LRRC53: variants seen among roughly 807,000 people sequenced by gnomAD.
The protein encoded by LRRC53 is leucine rich repeat containing 53.
Under a neutral mutation model 13.6 loss-of-function variants are expected in LRRC53, and 25 were observed. The ratio of observed to expected loss-of-function variants is 1.83; its 90% CI spans 1.34 to 2.56. The LOEUF is 2.56. Among genes scored for constraint, LRRC53 ranks in the 30% most tolerant of loss-of-function variants. The pLI is 0.00. For missense variants in LRRC53, 527 were observed against 275.8 expected (o/e 1.91, Z -6.45); for synonymous variants, 204 against 109.8 (o/e 1.86, Z -5.37).
chr1:74,475,116 CCACACACACACACACA>C (rs3058791), intron 4 of LRRC53, among the ~76,000 whole-genome samples, 163 bp downstream of exon 4: 11 of 135,994 alleles, frequency 8.1e-5, no homozygotes, highest in East Asian at 2.3e-4. Context: ...CCACCTCAGC[CCACACACACACACACA>C]CACACACACA....
rs1161282808 is a variant in LRRC53, at chr1:74,475,562, G to A, written c.1153C>T (p.Gln385Ter). ...EMPLLQENSH[Q>*]ATSASESATL... ...GCAGACTCAGAGGCCGATGTTGCTT[G>A]ATGGCTATTTTCCTGTAAAAGTGGC... Residue 385 changes from glutamine (Q) to a stop codon, truncating the protein, a stop_gained, in exon 4 of 5, where the codon CAA (glutamine) becomes TAA (stop). Coordinates refer to ENST00000294635, the MANE Select transcript of LRRC53 (RefSeq NM_001382280.1). LOFTEE classifies it high-confidence loss of function. 1 of 717,310 alleles carries A rather than the reference G, an allele frequency of 1.4e-6. No individual in the cohort carries two copies. Among genetic ancestry groups the A allele is most frequent in the Non-Finnish European group, 2.6e-6 (1 of 384,982 alleles). 44.4% of individuals were successfully genotyped at this position (717,310 alleles called of 1,614,324 possible).
At chr1:74,495,698 A>T (rs1463539462) in intron 1 of LRRC53, among the ~76,000 whole-genome samples, 1 of 152,164 alleles carries the variant, frequency 6.6e-6, no homozygotes, top group Non-Finnish European at 1.5e-5. Context: ...ATGGAGAGTA[A>T]GTAAGCAAAG....
chr1:74,471,222 T>A lies in LRRC53; in HGVS notation c.2400A>T (p.Gln800His), dbSNP rs1667918809. ...GCAGGGGGGCACGTTTAGTGTTTCG[T>A]TGATAATATGGGGTCTGCTTTGAGT... ...KHDSKQTPYY[Q>H]RNTKRAPLLS... The change falls in exon 5 of 5, where the codon CAA (glutamine) becomes CAT (histidine). Residue 800 changes from glutamine (Q) to histidine (H), a missense_variant. By Grantham distance (24) the Gln-to-His change is conservative. Coordinates refer to ENST00000294635, the MANE Select transcript of LRRC53 (RefSeq NM_001382280.1). 2.5e-6 allele frequency: 1 copy of A among 400,718 alleles called. No individual in the cohort carries two copies. The highest frequency in any genetic ancestry group is 4.4e-6 in the Non-Finnish European group (1 of 226,192). 24.8% of individuals were successfully genotyped at this position (400,718 alleles called of 1,614,324 possible).
chr1:74,495,221 A>C lies in LRRC53; in HGVS notation c.-26-11846T>G, dbSNP rs1050594094. Among the ~76,000 whole-genome samples, 3 of 152,202 alleles carry C rather than the reference A, an allele frequency of 2.0e-5. No homozygotes were observed. The South Asian group carries it at 6.2e-4, about 31-fold the overall frequency. The stretch of plus-strand genomic sequence containing the variant: ...GGCATTTCCCTGAGGATTTGCTGTG[A>C]GCGTGCATTCAAGGTCAGTTTGTTA... On this transcript the variant is annotated intron_variant, in intron 1 of 4. Coordinates refer to ENST00000294635, the MANE Select transcript of LRRC53 (RefSeq NM_001382280.1).
chr1:74,480,203 G>T lies in LRRC53; in HGVS notation c.854C>A (p.Pro285His). The T allele has an allele frequency of 1.4e-6, 1 of 717,482 alleles. No individual in the cohort carries two copies. Among genetic ancestry groups the T allele is most frequent in the South Asian group, 1.5e-5 (1 of 67,600 alleles). 44.4% of individuals were successfully genotyped at this position (717,482 alleles called of 1,614,324 possible). A position where few individuals can be genotyped will look rare whatever the true frequency, so the allele number is the denominator to read the frequency against. Reference protein sequence around the residue: ...NFTLVLKDRSPLLPGPDVALL... With the variant: ...NFTLVLKDRSHLLPGPDVALL... The stretch of plus-strand genomic sequence containing the variant: ...GGCCACATCTGGTCCTGGGAGGAGG[G>T]GACTTCTGTCCTTTAGAACCAGAGT... Residue 285 changes from proline to histidine, a missense_variant, in exon 3 of 5, where the codon CCC becomes CAC. Pro to His is a moderately conservative substitution (Grantham distance 77). Coordinates refer to ENST00000294635, the MANE Select transcript of LRRC53 (RefSeq NM_001382280.1).
At position 74,492,339 on chromosome 1, in the gene LRRC53, G is replaced by C; in HGVS notation, c.-26-8964C>G. ...TCTTATCAAGACAGTCAACTGATTT[G>C]ATTACTATTAACAGGGTTTGATTAC... On this transcript the variant is annotated intron_variant, in intron 1 of 4. Coordinates refer to ENST00000294635, the MANE Select transcript of LRRC53 (RefSeq NM_001382280.1). 4.3e-6 allele frequency: 6 copies of C among 1,382,106 alleles called. No homozygotes were observed. The Admixed American group carries it at 1.2e-4, about 27-fold the overall frequency. The allele number at this position is 1,382,106 out of a possible 1,614,324, so 85.6% of individuals were successfully genotyped here.
At chr1:74,531,857 T>A in the LRRC53 span, among the ~76,000 whole-genome samples, 2 of 152,178 alleles carry the variant, frequency 1.3e-5, no homozygotes, top group Admixed American at 1.3e-4. Context: ...ATAGGTAACA[T>A]TGTTATGACA....
intron 1 of LRRC53, among the ~76,000 whole-genome samples, chr1:74,507,811 G>A (rs1336826577): frequency 6.6e-6 from 1 of 152,150 alleles, no homozygotes; most frequent in Non-Finnish European, 1.5e-5. Flanking sequence ...TGAGACTTAG[G>A]AACTTAAGTA....
intron 1 of LRRC53, among the ~76,000 whole-genome samples, chr1:74,499,926 A>G (rs1387787327): frequency 6.6e-6 from 1 of 152,044 alleles, no homozygotes; most frequent in African/African-American, 2.4e-5. Flanking sequence ...CTAATTGCAA[A>G]CATATTATTT....
At chr1:74,472,894 T>C (rs1045174756) in intron 4 of LRRC53, among the ~76,000 whole-genome samples, 1 of 152,092 alleles carries the variant, frequency 6.6e-6, no homozygotes, top group Admixed American at 6.6e-5. Flanking sequence ...TTTAAATGTC[T>C]GCCTGCAAAT....
At position 74,480,759 on chromosome 1, in the gene LRRC53, C is replaced by G; in HGVS notation, c.298G>C (p.Asp100His). ...CTGTGAAGCTTGCTGAAGGTGTGAT[C>G]AGTGAGCGAAGAGCTGGATATTTGG... ...HNQISSSSLT[D>H]HTFSKLHSLQ... The change falls in exon 3 of 5, where the codon GAT becomes CAT. Residue 100 changes from aspartate (D) to histidine (H), a missense_variant. By Grantham distance (81) the Asp-to-His change is moderately conservative. Transcript: ENST00000294635. 1.4e-6 allele frequency: 1 copy of G among 717,444 alleles called. No individual in the cohort carries two copies. Among genetic ancestry groups the G allele is most frequent in the Admixed American group, 2.0e-5 (1 of 50,014 alleles). The allele number at this position is 717,444 out of a possible 1,614,324, so 44.4% of individuals were successfully genotyped here. A position where few individuals can be genotyped will look rare whatever the true frequency, so the allele number is the denominator to read the frequency against.
chr1:74,532,968 T>G, the LRRC53 span, among the ~76,000 whole-genome samples: 3 of 152,068 alleles, frequency 2.0e-5, no homozygotes, highest in Non-Finnish European at 2.9e-5. Flanking sequence ...AGCCCTAGAA[T>G]AAAACCTAGG....
At chr1:74,491,378 C>T (rs1263986537) in intron 1 of LRRC53, among the ~76,000 whole-genome samples, 1 of 152,168 alleles carries the variant, frequency 6.6e-6, no homozygotes, top group Non-Finnish European at 1.5e-5. Context: ...TGCCACCACT[C>T]CCAGCTAATT....
At chr1:74,510,157 CCT>C (rs145430580) in intron 1 of LRRC53, among the ~76,000 whole-genome samples, 11,771 of 152,082 alleles carry the variant, frequency 0.077, 1,059 homozygotes, top group African/African-American at 0.22. Context: ...TTTCTTACCC[CCT>C]GATTTTTACT....
chr1:74,476,993 C>A (rs949001885), intron 3 of LRRC53, among the ~76,000 whole-genome samples: 1 of 151,996 alleles, frequency 6.6e-6, no homozygotes, highest in African/African-American at 2.4e-5. Flanking sequence ...TATTTTAATT[C>A]ATTTGCCAAC....
At chr1:74,485,484 T>C (rs947679349) in intron 1 of LRRC53, among the ~76,000 whole-genome samples, 9 of 152,158 alleles carry the variant, frequency 5.9e-5, no homozygotes, top group Non-Finnish European at 2.9e-5. Context: ...TACTGCGTAT[T>C]TGTGATAAGC....
chr1:74,518,113 G>A, the LRRC53 span, among the ~76,000 whole-genome samples: 1 of 152,150 alleles, frequency 6.6e-6, no homozygotes, highest in South Asian at 2.1e-4. Flanking sequence ...GGACCAGGAG[G>A]TTCCCAGGTA....
chr1:74,525,252 T>A, the LRRC53 span, among the ~76,000 whole-genome samples: 1 of 152,226 alleles, frequency 6.6e-6, no homozygotes, highest in African/African-American at 2.4e-5. Flanking sequence ...GAGCACCTCC[T>A]GTGTGTTAGG....
the LRRC53 span, among the ~76,000 whole-genome samples, chr1:74,522,712 T>A: frequency 6.6e-6 from 1 of 152,064 alleles, no homozygotes; most frequent in Non-Finnish European, 1.5e-5. Flanking sequence ...CAGAATAACA[T>A]GATTCATTTT....
Sources: gnomAD v4.1 joint callset for allele counts (sites outside exome capture counted in the v4.1 genomes callset) on GRCh38, gnomAD v4.1.1 for gene constraint, MANE v1.5 for transcripts, NCBI Gene and HGNC (gene_info 2026-07-23, HGNC 2026-07-21) for gene names.